PADI2: variants seen among roughly 807,000 people sequenced by gnomAD.
PADI2 encodes protein-arginine deiminase type-2.
In PADI2, 70 loss-of-function variants were observed where a neutral mutation model predicts 81.1. The observed-to-expected ratio is 0.86, with a 90% confidence interval of 0.71 to 1.05. The LOEUF is 1.05. Among genes scored for constraint, PADI2 ranks in the 50% least tolerant of loss-of-function variants. The probability of loss-of-function intolerance (pLI) is 0.00; values close to 1 mark genes in which losing one functional copy is unlikely to be tolerated. For synonymous variants in PADI2, 338 were observed against 358.0 expected, an observed-to-expected ratio of 0.94 and a Z score of 0.63; for missense variants, 853 against 889.9, an observed-to-expected ratio of 0.96 and a Z score of 0.53.
chr1:17,071,599 G>C lies in PADI2; in HGVS notation c.1550-108C>G. ...TGGGCTAACTGCTGGACTGGGACTG[G>C]GGAGATGGGACTGGGGAGAGGCTGG... On this transcript the variant is annotated intron_variant, in intron 13 of 15. Transcript: ENST00000375486. The C allele has an allele frequency of 3.6e-6, 3 of 838,894 alleles. No individual in the cohort carries two copies. In the South Asian group the frequency reaches 4.5e-5, roughly 13 times the overall value. 52.0% of individuals were successfully genotyped at this position (838,894 alleles called of 1,614,324 possible).
At chr1:17,100,532 A>T (rs566886597) in intron 3 of PADI2, among the ~76,000 whole-genome samples, 20 of 151,414 alleles carry the variant, frequency 1.3e-4, no homozygotes, top group African/African-American at 4.4e-4. Flanking sequence ...TGATCCGCCC[A>T]CCTCGGCCTC....
intron 2 of PADI2, among the ~76,000 whole-genome samples, chr1:17,103,563 T>C (rs1931229457): frequency 1.3e-5 from 2 of 152,168 alleles, no homozygotes; most frequent in South Asian, 4.1e-4. Context: ...CACTTGTGAC[T>C]GTAAGCTCCA....
At position 17,067,659 on chromosome 1, in the gene PADI2, G is replaced by T. The variant is rs2078232517; in HGVS notation, c.*1385C>A. Reference sequence around the variant, plus strand: ...TCCATGCCAGTAGGGACCAGGTCCAGACTGCTACTAACCACTGTGTTTGCA... The same window carrying T: ...TCCATGCCAGTAGGGACCAGGTCCATACTGCTACTAACCACTGTGTTTGCA... On this transcript the variant is annotated 3_prime_UTR_variant, in exon 16 of 16. Coordinates refer to ENST00000375486, the MANE Select transcript of PADI2 (RefSeq NM_007365.3). 1 of 152,236 alleles carries T rather than the reference G, an allele frequency of 6.6e-6. No individual in the cohort carries two copies. The highest frequency in any genetic ancestry group is 1.5e-5 in the Non-Finnish European group (1 of 68,058). The allele number at this position is 152,236 out of a possible 1,614,324, so 9.4% of individuals were successfully genotyped here.
At chr1:17,102,090 C>T (rs542995927) in intron 3 of PADI2, among the ~76,000 whole-genome samples, 1 of 152,332 alleles carries the variant, frequency 6.6e-6, no homozygotes, top group Admixed American at 6.5e-5. Flanking sequence ...ATTTTGAAAG[C>T]ACTCAGCATG....
chr1:17,081,861 C>G (rs2295048), intron 10 of PADI2, among the ~76,000 whole-genome samples: 83,807 of 151,992 alleles, frequency 0.55, 23,327 homozygotes, highest in Non-Finnish European at 0.59. Context: ...ACCTGTAATC[C>G]CAGCACTTTG....
chr1:17,104,677 C>T (rs535375555), intron 2 of PADI2, among the ~76,000 whole-genome samples: 1 of 152,182 alleles, frequency 6.6e-6, no homozygotes, highest in South Asian at 2.1e-4. Flanking sequence ...TTGTGATCCA[C>T]CCGCCTCGGC....
chr1:17,102,960 A>C, intron 3 of PADI2, 27 bp downstream of exon 3: 9 of 1,574,098 alleles, frequency 5.7e-6, no homozygotes, highest in African/African-American at 1.3e-5. Flanking sequence ...TGATGAAGGC[A>C]CTGAGACGGC....
In PADI2 at chr1:17,110,491, C is replaced by CAA. The variant is rs141074518; in HGVS notation, c.93-5432_93-5431dup. On this transcript the variant is annotated intron_variant, in intron 1 of 15. Coordinates refer to ENST00000375486, the MANE Select transcript of PADI2 (RefSeq NM_007365.3). Reference sequence around the variant, plus strand: ...GTGATTTAAAAAACAAACGAACAAACAAAAAAAACCCAGAAATCAGGTCAT... The same window carrying CAA: ...GTGATTTAAAAAACAAACGAACAAACAAAAAAAAAACCCAGAAATCAGGTCAT... Among the ~76,000 whole-genome samples the CAA allele has an allele frequency of 5.7e-3, 861 of 151,980 alleles. 9 individuals are homozygous for CAA. The highest frequency in any genetic ancestry group is 0.02 in the African/African-American group (834 of 41,436).
intron 9 of PADI2, chr1:17,083,400 G>A (rs2078361250): frequency 3.7e-6 from 1 of 268,552 alleles, no homozygotes; most frequent in Non-Finnish European, 7.1e-6. Flanking sequence ...TTTCCGTTGA[G>A]TAACAACTTA....
At chr1:17,092,755 C>T (rs1057239694) in intron 5 of PADI2, among the ~76,000 whole-genome samples, 2 of 151,450 alleles carry the variant, frequency 1.3e-5, no homozygotes, top group African/African-American at 4.9e-5. Flanking sequence ...CAAACACCAG[C>T]CTGAGCAACA....
intron 4 of PADI2, among the ~76,000 whole-genome samples, chr1:17,094,424 T>C (rs1262905513): frequency 2.0e-5 from 3 of 152,168 alleles, no homozygotes; most frequent in Non-Finnish European, 4.4e-5. Context: ...CACTCTACCC[T>C]TCCTCGGTTA....
At chr1:17,093,544 C>A (rs929694201) in intron 5 of PADI2, 23 bp downstream of exon 5, 1 of 1,447,430 alleles carries the variant, frequency 6.9e-7, no homozygotes, top group Non-Finnish European at 9.7e-7. Context: ...ATCCTGCCCC[C>A]CAAGTGCAGG....
At chr1:17,095,848 C>A in intron 4 of PADI2, 61 bp downstream of exon 4, 1 of 1,354,786 alleles carries the variant, frequency 7.4e-7, no homozygotes, top group Non-Finnish European at 1.0e-6. Flanking sequence ...CCTGCGGGAT[C>A]TGGGGCTGTG....
At chr1:17,102,048 C>G (rs2746501) in intron 3 of PADI2, among the ~76,000 whole-genome samples, 9,714 of 152,194 alleles carry the variant, frequency 0.064, 1,006 homozygotes, top group African/African-American at 0.22. Flanking sequence ...TCTAGACACA[C>G]AGTAGGCCTG....
intron 6 of PADI2, among the ~76,000 whole-genome samples, chr1:17,088,925 A>AAAGAC (rs1553182379): frequency 2.4e-5 from 2 of 83,360 alleles, no homozygotes; most frequent in Non-Finnish European, 4.6e-5. Context: ...AAAAAAAAAA[A>AAAGAC]AAAAAACCAA....
At chr1:17,103,159 G>A in intron 2 of PADI2, 100 bp from the exon 3 acceptor site, 1 of 830,968 alleles carries the variant, frequency 1.2e-6, no homozygotes. Flanking sequence ...CTCACAGCTT[G>A]TCAAGCCAAC....
chr1:17,075,210 C>G, intron 12 of PADI2: 3 of 416,354 alleles, frequency 7.2e-6, no homozygotes, highest in South Asian at 3.4e-5. Flanking sequence ...GCCAAGCAGC[C>G]ACACAATTTG....
At chr1:17,093,533 C>T (rs1930784633) in intron 5 of PADI2, 34 bp downstream of exon 5, 1 of 1,372,094 alleles carries the variant, frequency 7.3e-7, no homozygotes, top group African/African-American at 1.4e-5. Flanking sequence ...TCACTCCTCT[C>T]ATCCTGCCCC....
At chr1:17,098,030 G>A (rs574773245) in intron 3 of PADI2, among the ~76,000 whole-genome samples, 2 of 152,216 alleles carry the variant, frequency 1.3e-5, no homozygotes, top group South Asian at 2.1e-4. Context: ...CAGGGGAGGC[G>A]TGACCACCCC....
Sources: allele counts gnomAD v4.1 joint callset (sites outside exome capture counted in the v4.1 genomes callset), GRCh38; gene constraint gnomAD v4.1.1; transcripts MANE v1.5; gene names NCBI Gene and HGNC (gene_info 2026-07-23, HGNC 2026-07-21).